The following LPP variants were observed in gnomAD, a reference collection of about 807,000 sequenced individuals.
LPP encodes the protein lipoma-preferred partner.
Under a neutral mutation model 60.4 loss-of-function variants are expected in LPP, and 38 were observed. The ratio of observed to expected loss-of-function variants is 0.63; its 90% CI spans 0.49 to 0.83. The LOEUF is 0.83. Ranked by LOEUF, LPP falls within the 40% of genes least tolerant of loss-of-function variation. The pLI, the probability that LPP is intolerant of heterozygous loss-of-function variation, is 0.00. For missense variants in LPP, 902 were observed against 783.6 expected (o/e 1.15, Z -1.80); for synonymous variants, 328 against 290.8 (o/e 1.13, Z -1.30).
intron 2 of LPP, among the ~76,000 whole-genome samples, chr3:188,234,915 A>G (rs1721334899): frequency 6.6e-6 from 1 of 152,214 alleles, no homozygotes; most frequent in African/African-American, 2.4e-5. Flanking sequence ...CCATGAATCC[A>G]TTAGATCTCC....
At chr3:188,255,972 A>C (rs1424354810) in intron 2 of LPP, among the ~76,000 whole-genome samples, 1 of 152,210 alleles carries the variant, frequency 6.6e-6, no homozygotes, top group African/African-American at 2.4e-5. Context: ...GGCAATGAAT[A>C]CGTATATTTT....
At chr3:188,409,893 A>G (rs1784496303) in intron 4 of LPP, among the ~76,000 whole-genome samples, 1 of 152,120 alleles carries the variant, frequency 6.6e-6, no homozygotes, top group Non-Finnish European at 1.5e-5. Context: ...AGAGAAGCAC[A>G]GCCTGCTCTG....
intron 6 of LPP, among the ~76,000 whole-genome samples, chr3:188,535,472 T>C (rs887117788): frequency 6.6e-6 from 1 of 152,200 alleles, no homozygotes; most frequent in Non-Finnish European, 1.5e-5. Flanking sequence ...TCTTCAAATC[T>C]TTACATTTCC....
chr3:188,331,486 A>G (rs1362982493), intron 2 of LPP, among the ~76,000 whole-genome samples: 1 of 152,140 alleles, frequency 6.6e-6, no homozygotes, highest in Non-Finnish European at 1.5e-5. Flanking sequence ...CATTATTTTA[A>G]TCCCCATATT....
chr3:188,797,564 G>A (rs1328552110), intron 9 of LPP, among the ~76,000 whole-genome samples: 2 of 152,124 alleles, frequency 1.3e-5, no homozygotes, highest in Admixed American at 6.6e-5. Flanking sequence ...GACCTGCCGT[G>A]TGTTCCCCTA....
At chr3:188,687,072 C>T (rs1860910629) in intron 7 of LPP, among the ~76,000 whole-genome samples, 1 of 152,196 alleles carries the variant, frequency 6.6e-6, no homozygotes, top group South Asian at 2.1e-4. Flanking sequence ...CTTTGCTGTG[C>T]TTGTGTATGA....
intron 3 of LPP, among the ~76,000 whole-genome samples, chr3:188,397,913 C>T (rs945968217): frequency 6.6e-6 from 1 of 152,046 alleles, no homozygotes; most frequent in African/African-American, 2.4e-5. Context: ...TGGGCCCGGC[C>T]GTGTCTCACT....
At position 188,880,531 on chromosome 3, in the gene LPP, G is replaced by C; in HGVS notation, c.*6052G>C. ...ATATACTAGAGAGGGGTGAAACACT[G>C]CAGCTAATTCCTTTATAATACTTTC... is the stretch of plus-strand genomic sequence containing the variant. On this transcript the variant is annotated 3_prime_UTR_variant, in exon 12 of 12. Transcript: ENST00000617246. 1 of 188,454 alleles carries C rather than the reference G, an allele frequency of 5.3e-6. No homozygotes were observed. The highest frequency in any genetic ancestry group is 6.2e-5 in the Admixed American group (1 of 16,188). 11.7% of individuals were successfully genotyped at this position (188,454 alleles called of 1,614,324 possible).
chr3:188,765,234 G>A (rs775809880), intron 9 of LPP, among the ~76,000 whole-genome samples: 28 of 151,348 alleles, frequency 1.9e-4, no homozygotes, highest in African/African-American at 4.9e-4. Flanking sequence ...AATTGCCTAC[G>A]TCTGCTCTCT....
intron 7 of LPP, among the ~76,000 whole-genome samples, chr3:188,656,612 A>G (rs144676235): frequency 7.4e-4 from 112 of 152,338 alleles, no homozygotes; most frequent in African/African-American, 2.6e-3. Context: ...TTCTTGTACT[A>G]CTGACAGGTG....
At chr3:188,391,978 C>T (rs12485704) in intron 3 of LPP, among the ~76,000 whole-genome samples, 64,519 of 151,906 alleles carry the variant, frequency 0.42, 14,496 homozygotes, top group East Asian at 0.64. Context: ...TATATTTTGG[C>T]AGAATTTCTT....
chr3:188,627,347 T>G (rs1052730308), intron 7 of LPP, among the ~76,000 whole-genome samples: 2 of 152,102 alleles, frequency 1.3e-5, no homozygotes, highest in Non-Finnish European at 1.5e-5. Flanking sequence ...GGACACCGAG[T>G]GTCAAATTGG....
intron 9 of LPP, among the ~76,000 whole-genome samples, chr3:188,789,171 C>T (rs938725372): frequency 6.6e-5 from 10 of 152,090 alleles, no homozygotes; most frequent in Non-Finnish European, 1.5e-4. Flanking sequence ...TGCTATTGCA[C>T]ACTTAATAGA....
At chr3:188,660,360 AAAAACATTCAAT>A (rs1854302596) in intron 7 of LPP, among the ~76,000 whole-genome samples, 2 of 152,244 alleles carry the variant, frequency 1.3e-5, no homozygotes, top group South Asian at 4.1e-4. Context: ...ATCTAAAAGC[AAAAACATTCAAT>A]AATGTGTACA....
chr3:188,636,614 C>T (rs937359256), intron 7 of LPP, among the ~76,000 whole-genome samples: 2 of 152,302 alleles, frequency 1.3e-5, no homozygotes, highest in Admixed American at 6.5e-5. Context: ...AGGGCACAGA[C>T]AAACAAAAAG....
intron 2 of LPP, among the ~76,000 whole-genome samples, chr3:188,331,547 T>C (rs1416790894): frequency 6.6e-6 from 1 of 152,204 alleles, no homozygotes; most frequent in Non-Finnish European, 1.5e-5. Flanking sequence ...ACATGACATG[T>C]CCCCAGATAC....
intron 1 of LPP, among the ~76,000 whole-genome samples, chr3:188,156,497 C>A (rs1716483039): frequency 1.3e-5 from 2 of 152,138 alleles, no homozygotes; most frequent in South Asian, 4.1e-4. Context: ...ATCGAGAAGC[C>A]CCCTGCTGCC....
chr3:188,330,693 G>T (rs919269554), intron 2 of LPP, among the ~76,000 whole-genome samples: 1 of 152,106 alleles, frequency 6.6e-6, no homozygotes, highest in South Asian at 2.1e-4. Flanking sequence ...GCCCATGCCT[G>T]TAGCCCCAAC....
chr3:188,190,441 G>C (rs1017647049), intron 1 of LPP, among the ~76,000 whole-genome samples: 2 of 152,144 alleles, frequency 1.3e-5, no homozygotes, highest in African/African-American at 4.8e-5. Context: ...GTAAGTGAGG[G>C]AGAAGGAGTC....
Sources: allele counts gnomAD v4.1 joint callset (sites outside exome capture counted in the v4.1 genomes callset), GRCh38; gene constraint gnomAD v4.1.1; transcripts MANE v1.5; gene names NCBI Gene and HGNC (gene_info 2026-07-23, HGNC 2026-07-21).